The following HTR2C variants were observed in gnomAD, a reference collection of about 807,000 sequenced individuals.
The protein encoded by HTR2C is 5-hydroxytryptamine (serotonin) receptor 2C, G protein-coupled.
HTR2C carries 5 observed loss-of-function variants against 21.0 expected under a neutral mutation model. The ratio of observed to expected loss-of-function variants is 0.24; its 90% confidence interval spans 0.12 to 0.50. The LOEUF is 0.50. Ranked by LOEUF, HTR2C falls within the 20% of genes least tolerant of loss-of-function variation. HTR2C has a pLI of 0.98. For synonymous variants in HTR2C, 150 were observed against 145.3 expected (o/e 1.03, Z -0.23); for missense variants, 271 against 371.2 (o/e 0.73, Z 2.22).
chrX:114,602,836 G>C (rs1345300098), intron 1 of HTR2C, among the ~76,000 whole-genome samples: 1 of 95,284 alleles, frequency 1.0e-5, no homozygotes, highest in African/African-American at 3.9e-5. Flanking sequence ...GCAAATCCTC[G>C]AGCTTGATGT....
intron 1 of HTR2C, among the ~76,000 whole-genome samples, chrX:114,603,192 A>G (rs1450857119): frequency 9.3e-4 from 102 of 109,837 alleles, no homozygotes; most frequent in African/African-American, 3.2e-3. Context: ...AGTCTGGGCC[A>G]GGAACAATGG....
chrX:114,796,485 C>T (rs1556445305), intron 4 of HTR2C, among the ~76,000 whole-genome samples: 1 of 111,065 alleles, frequency 9.0e-6, no homozygotes, highest in African/African-American at 3.3e-5. Flanking sequence ...TGCATGGATT[C>T]TGATCCTAAT....
intron 2 of HTR2C, among the ~76,000 whole-genome samples, chrX:114,720,162 G>C (rs1217122180): frequency 2.7e-5 from 3 of 110,824 alleles, no homozygotes; most frequent in Non-Finnish European, 5.7e-5. Context: ...GGACAGTATT[G>C]GCCTGACTAA....
intron 5 of HTR2C, among the ~76,000 whole-genome samples, chrX:114,865,824 T>A (rs967051416): frequency 1.4e-4 from 16 of 111,342 alleles, no homozygotes; most frequent in Admixed American, 2.9e-4. Flanking sequence ...TTTATTTATT[T>A]ATTTATTTTG....
chrX:114,722,488 T>C (rs1160458725), intron 2 of HTR2C, among the ~76,000 whole-genome samples: 3 of 111,322 alleles, frequency 2.7e-5, no homozygotes, highest in Non-Finnish European at 3.8e-5. Flanking sequence ...CCTCTTTTCC[T>C]AATTGAATAC....
At chrX:114,894,712 T>C (rs185833613) in intron 5 of HTR2C, among the ~76,000 whole-genome samples, 1 of 110,958 alleles carries the variant, frequency 9.0e-6, no homozygotes, top group African/African-American at 3.3e-5. Flanking sequence ...ATCCATTTAT[T>C]TATCTACCTT....
intron 4 of HTR2C, among the ~76,000 whole-genome samples, chrX:114,806,033 T>C (rs1313863508): frequency 2.1e-5 from 2 of 96,266 alleles, no homozygotes; most frequent in Non-Finnish European, 4.1e-5. Flanking sequence ...ACCATATATA[T>C]ACCATATATA....
chrX:114,849,917 G>C (rs992173970), intron 5 of HTR2C, among the ~76,000 whole-genome samples: 15 of 111,566 alleles, frequency 1.3e-4, no homozygotes, highest in Non-Finnish European at 2.1e-4. Flanking sequence ...ATCAGGTATG[G>C]GACAATAAGA....
intron 4 of HTR2C, among the ~76,000 whole-genome samples, chrX:114,751,110 G>A (rs1556427963): frequency 9.0e-6 from 1 of 111,565 alleles, no homozygotes; most frequent in East Asian, 2.8e-4. Flanking sequence ...TTGTGGAGAT[G>A]GGGTTTTGCT....
At chrX:114,759,112 A>T (rs1276318576) in intron 4 of HTR2C, among the ~76,000 whole-genome samples, 1 of 112,127 alleles carries the variant, frequency 8.9e-6, no homozygotes, top group Admixed American at 9.5e-5. Context: ...AATTGGAACA[A>T]ATCAGCTCAC....
chrX:114,717,607 A>C (rs200346643), intron 2 of HTR2C: 1 of 111,737 alleles, frequency 8.9e-6, no homozygotes, highest in Non-Finnish European at 1.9e-5. Flanking sequence ...AAAGAATAAA[A>C]AGTAGTGTGA....
At chrX:114,807,094 C>T (rs188610506) in intron 4 of HTR2C, among the ~76,000 whole-genome samples, 1 of 49,529 alleles carries the variant, frequency 2.0e-5, no homozygotes, top group African/African-American at 6.3e-5. Context: ...TATATATACC[C>T]CATATATACA....
At chrX:114,775,243 G>A in intron 4 of HTR2C, 1 of 521,350 alleles carries the variant, frequency 1.9e-6, no homozygotes, top group South Asian at 2.3e-5. Context: ...TTGCTCAAAC[G>A]GTGCTTGTCA....
At chrX:114,880,673 A>G (rs1556479681) in intron 5 of HTR2C, among the ~76,000 whole-genome samples, 1 of 111,408 alleles carries the variant, frequency 9.0e-6, no homozygotes, top group Non-Finnish European at 1.9e-5. Context: ...TACAGTTGCA[A>G]TCATGTAATA....
intron 4 of HTR2C, chrX:114,775,620 C>T (rs781869361): frequency 1.0e-5 from 5 of 493,348 alleles, no homozygotes; most frequent in African/African-American, 4.7e-5. Context: ...AAATCTTGAA[C>T]GTTTTCAGAT....
chrX:114,775,066 T>G lies in HTR2C; in HGVS notation c.349+43459T>G, dbSNP rs2070043191. On this transcript the variant is annotated intron_variant, in intron 4 of 5. Coordinates refer to ENST00000276198, the MANE Select transcript of HTR2C (RefSeq NM_000868.4). ...TTCATTAAACTTGTCCAGAATCTTC[T>G]GTTTGTCCTCACCATTAATCTTACC... 8.1e-6 allele frequency: 4 copies of G among 491,894 alleles called. No individual in the cohort carries two copies. In the East Asian group the frequency reaches 1.5e-4, roughly 18 times the overall value. 40.5% of individuals were successfully genotyped at this position (491,894 alleles called of 1,213,427 possible).
chrX:114,621,052 TG>T (rs1370640401), intron 2 of HTR2C, among the ~76,000 whole-genome samples: 1 of 111,805 alleles, frequency 8.9e-6, no homozygotes, highest in Non-Finnish European at 1.9e-5. Flanking sequence ...GGCTAATTTT[TG>T]TATTTTTAGT....
At chrX:114,787,220 C>A (rs1434445041) in intron 4 of HTR2C, among the ~76,000 whole-genome samples, 2 of 111,896 alleles carry the variant, frequency 1.8e-5, no homozygotes, top group African/African-American at 6.5e-5. Flanking sequence ...ATATACAACA[C>A]AAATCCACCA....
At chrX:114,692,490 CT>C (rs1569484425) in intron 2 of HTR2C, among the ~76,000 whole-genome samples, 1 of 111,046 alleles carries the variant, frequency 9.0e-6, no homozygotes, top group African/African-American at 3.3e-5. Context: ...ATTGTAAGAT[CT>C]TTTTTATGTA....
Sources: gnomAD v4.1 joint callset for allele counts (sites outside exome capture counted in the v4.1 genomes callset) on GRCh38, gnomAD v4.1.1 for gene constraint, MANE v1.5 for transcripts, NCBI Gene and HGNC (gene_info 2026-07-23, HGNC 2026-07-21) for gene names.